Variants in TCTN3 observed in about 807,000 individuals in gnomAD.
TCTN3 encodes the protein tectonic family member 3.
A neutral mutation model predicts 71.3 loss-of-function variants in TCTN3; 57 were observed. That is an observed-to-expected ratio of 0.80 (90% CI 0.65 to 1.00). The LOEUF is 1.00. Ranked by LOEUF, TCTN3 falls within the 50% of genes least tolerant of loss-of-function variation. The pLI is 0.00. For missense variants in TCTN3, 696 were observed against 719.9 expected, an observed-to-expected ratio of 0.97 and a Z score of 0.38; for synonymous variants, 258 against 267.8, an observed-to-expected ratio of 0.96 and a Z score of 0.36.
chr10:95,687,078 T>C lies in TCTN3; in HGVS notation c.818A>G (p.Asn273Ser), dbSNP rs762720849. The C allele has an allele frequency of 5.0e-6, 8 of 1,613,890 alleles. No individual in the cohort carries two copies. In the Admixed American group the frequency reaches 5.0e-5, roughly 10 times the overall value. ...TGTGAAGTTATAGTAAGAGGCAGCA[T>C]TGAGGGCTGAATCCAAGGTACAGCT... ...ASSCTLDSAL[N>S]AASYYNFTVL... Residue 273 changes from asparagine to serine, a missense_variant, in exon 6 of 14, where the codon AAT (asparagine) becomes AGT (serine). Coordinates refer to ENST00000371217, the MANE Select transcript of TCTN3 (RefSeq NM_015631.6).
At chr10:95,679,583 CTTTTTTT>C (rs201828119) in intron 13 of TCTN3, among the ~76,000 whole-genome samples, 7 of 96,448 alleles carry the variant, frequency 7.3e-5, no homozygotes, top group African/African-American at 2.1e-4. Flanking sequence ...CTAGTCATTT[CTTTTTTT>C]TTTTTTTTTT....
chr10:95,680,388 TA>T, intron 13 of TCTN3, 83 bp downstream of exon 13: 1 of 1,477,926 alleles, frequency 6.8e-7, no homozygotes, highest in Non-Finnish European at 9.0e-7. Flanking sequence ...TCTTGGAAGG[TA>T]AAAAATTATT....
intron 13 of TCTN3, among the ~76,000 whole-genome samples, chr10:95,672,685 C>CTTTTTTT (rs766029244): frequency 5.0e-5 from 4 of 80,372 alleles, no homozygotes; most frequent in Non-Finnish European, 7.2e-5. Context: ...CTGTTCAAAT[C>CTTTTTTT]TTTTTTTTTT....
chr10:95,673,926 C>T (rs2097934173), intron 13 of TCTN3, among the ~76,000 whole-genome samples: 1 of 152,216 alleles, frequency 6.6e-6, no homozygotes, highest in Non-Finnish European at 1.5e-5. Flanking sequence ...GAACTCTCTT[C>T]TGTCCCATTG....
intron 2 of TCTN3, among the ~76,000 whole-genome samples, 155 bp downstream of exon 2, chr10:95,693,197 AG>A (rs932900672): frequency 1.2e-4 from 19 of 152,340 alleles, no homozygotes; most frequent in African/African-American, 4.3e-4. Context: ...CCTGCTCTAG[AG>A]AATCAGAAAA....
At chr10:95,680,713 G>A (rs1296084729) in intron 12 of TCTN3, 104 bp from the exon 13 acceptor site, 3 of 1,384,626 alleles carry the variant, frequency 2.2e-6, no homozygotes, top group Admixed American at 5.0e-5. Flanking sequence ...CAGTAATAAG[G>A]AAGGCAATGT....
rs2097956494 is a variant in TCTN3, at chr10:95,693,921, T to C, written c.-22A>G. ...GCATGGGGCATTCAGGGCCTCCGGG[T>C]CCGACGTAGGCCTCCGCGGTCTCCA... On this transcript the variant is annotated 5_prime_UTR_variant, in exon 1 of 14. Transcript: ENST00000371217. The C allele has an allele frequency of 1.3e-6, 2 of 1,551,324 alleles. No homozygotes were observed. Among genetic ancestry groups the C allele is most frequent in the African/African-American group, 1.4e-5 (1 of 73,038 alleles).
At chr10:95,688,054 T>C (rs1389115872) in intron 3 of TCTN3, among the ~76,000 whole-genome samples, 5 of 152,172 alleles carry the variant, frequency 3.3e-5, no homozygotes, top group African/African-American at 7.2e-5. Context: ...TTTCAAGTCA[T>C]TGATGGTCAA....
intron 13 of TCTN3, among the ~76,000 whole-genome samples, chr10:95,680,206 T>C (rs1423747156): frequency 6.6e-6 from 1 of 152,198 alleles, no homozygotes; most frequent in African/African-American, 2.4e-5. Flanking sequence ...AATGGTAGGA[T>C]TACTGAAAAG....
chr10:95,686,186 C>T (rs931474243), intron 7 of TCTN3, among the ~76,000 whole-genome samples: 12 of 152,198 alleles, frequency 7.9e-5, no homozygotes, highest in African/African-American at 2.9e-4. Flanking sequence ...TGTGACCGTG[C>T]CACTGCACTT....
In TCTN3 at chr10:95,685,614, G is replaced by C; in HGVS notation, c.911C>G (p.Thr304Ser). 1 of 1,551,362 alleles carries C rather than the reference G, an allele frequency of 6.4e-7. No homozygotes were observed. The part of the protein sequence containing the change: ...NMEFQVPVIL[T>S]SQANAPLLAG... ...CAACAGAGGAGCATTAGCCTGTGAGGTAAGTATTACAGGAACCTGGAACTA... is the reference window on the plus strand; with the variant it reads ...CAACAGAGGAGCATTAGCCTGTGAGCTAAGTATTACAGGAACCTGGAACTA... The change falls in exon 8 of 14, where the codon ACC (threonine) becomes AGC (serine). Residue 304 changes from threonine to serine, a missense_variant. Thr to Ser is a moderately conservative substitution (Grantham distance 58). Coordinates refer to ENST00000371217, the MANE Select transcript of TCTN3 (RefSeq NM_015631.6).
At chr10:95,677,474 G>GGTTTTTTTTTTTTTTTT (rs2097938217) in intron 13 of TCTN3, among the ~76,000 whole-genome samples, 7 of 80,734 alleles carry the variant, frequency 8.7e-5, no homozygotes, top group Non-Finnish European at 1.8e-4. Context: ...GAAGTCTACA[G>GGTTTTTTTTTTTTTTTT]TTTTTTTTGT....
chr10:95,674,036 T>C (rs1238566193), intron 13 of TCTN3, among the ~76,000 whole-genome samples: 1 of 152,224 alleles, frequency 6.6e-6, no homozygotes, highest in Non-Finnish European at 1.5e-5. Context: ...TTTTTCAAAA[T>C]TGTTTTGGCT....
At chr10:95,692,779 T>C (rs999961447) in intron 3 of TCTN3, 141 bp downstream of exon 3, 5 of 629,558 alleles carry the variant, frequency 7.9e-6, no homozygotes, top group Admixed American at 5.8e-5. Flanking sequence ...TTTTTTTTTG[T>C]TGTTGTTTTT....
chr10:95,684,650 TA>T (rs1566073208), intron 8 of TCTN3, 26 bp from the exon 9 acceptor site: 1 of 1,611,168 alleles, frequency 6.2e-7, no homozygotes, highest in South Asian at 1.1e-5. Flanking sequence ...AATCAATTAA[TA>T]AAAAGTAGTT....
Position 95,683,047 on chromosome 10 carries a change from T to C in TCTN3, c.1298+54A>G. The C allele has an allele frequency of 6.0e-6, 9 of 1,496,248 alleles. No homozygotes were observed. The South Asian group carries it at 9.2e-5, about 15-fold the overall frequency. 92.7% of individuals were successfully genotyped at this position (1,496,248 alleles called of 1,614,324 possible). A position where few individuals can be genotyped will look rare whatever the true frequency, so the allele number is the denominator to read the frequency against. On this transcript the variant is annotated intron_variant, in intron 11 of 13. Transcript: ENST00000371217. ...AAATATAAAAGTTACCATATCAACATATTCCCTACATATTCCCGAAATTGC... is the reference window on the plus strand; with the variant it reads ...AAATATAAAAGTTACCATATCAACACATTCCCTACATATTCCCGAAATTGC...
intron 13 of TCTN3, among the ~76,000 whole-genome samples, chr10:95,677,488 T>TTTTTTTTTTTG (rs2097938489): frequency 2.8e-5 from 4 of 142,544 alleles, no homozygotes; most frequent in Non-Finnish European, 4.7e-5. Flanking sequence ...TTTTTGTTTT[T>TTTTTTTTTTTG]TTTTTTTTTT....
chr10:95,693,040 T>C lies in TCTN3; in HGVS notation c.381-2A>G. The C allele has an allele frequency of 6.2e-7, 1 of 1,604,280 alleles. No individual in the cohort carries two copies. On this transcript the variant is annotated splice_acceptor_variant, in intron 2 of 13. Transcript: ENST00000371217. LOFTEE classifies it high-confidence loss of function. ...TCTACACAAACCCAGCTTGAAGACCTGTGAGGAAAGAGGAGGGAGAAGATA... is the reference window on the plus strand; with the variant it reads ...TCTACACAAACCCAGCTTGAAGACCCGTGAGGAAAGAGGAGGGAGAAGATA...
At chr10:95,682,617 G>A in intron 12 of TCTN3, 34 bp downstream of exon 12, 4 of 1,595,168 alleles carry the variant, frequency 2.5e-6, no homozygotes, top group Non-Finnish European at 3.4e-6. Context: ...GGGTAAAAAT[G>A]AGTCTTCATC....
Sources: gnomAD v4.1 joint callset for allele counts (sites outside exome capture counted in the v4.1 genomes callset) on GRCh38, gnomAD v4.1.1 for gene constraint, MANE v1.5 for transcripts, NCBI Gene and HGNC (gene_info 2026-07-23, HGNC 2026-07-21) for gene names.